LAMA3: variants seen among roughly 807,000 people sequenced by gnomAD.
LAMA3 encodes the protein laminin subunit alpha-3.
A neutral mutation model predicts 402.0 loss-of-function variants in LAMA3; 281 were observed. That is an observed-to-expected ratio of 0.70 (90% CI 0.63 to 0.77). The LOEUF is 0.77. Among genes scored for constraint, LAMA3 ranks in the 30% least tolerant of loss-of-function variants. The pLI is 0.00. For missense variants in LAMA3, 3,840 were observed against 4,215.5 expected (o/e 0.91, Z 2.47); for synonymous variants, 1,431 against 1,558.4 (o/e 0.92, Z 1.93).
intron 2 of LAMA3, among the ~76,000 whole-genome samples, chr18:23,736,522 A>G (rs2061477809): frequency 6.6e-6 from 1 of 152,048 alleles, no homozygotes; most frequent in South Asian, 2.1e-4. Flanking sequence ...AAGTTACATC[A>G]GATATTTCAA....
At chr18:23,936,072 C>T (rs1017760847) in intron 67 of LAMA3, among the ~76,000 whole-genome samples, 5 of 151,934 alleles carry the variant, frequency 3.3e-5, no homozygotes, top group Non-Finnish European at 7.4e-5. Context: ...CCTCTGAGAG[C>T]AGAATCAAAT....
At chr18:23,728,309 G>C (rs962825663) in intron 2 of LAMA3, among the ~76,000 whole-genome samples, 1 of 152,132 alleles carries the variant, frequency 6.6e-6, no homozygotes, top group African/African-American at 2.4e-5. Flanking sequence ...TATCCCAGGT[G>C]CTCAGGGGGT....
chr18:23,909,182 C>T lies in LAMA3; in HGVS notation c.7045C>T (p.Leu2349Phe). The T allele has an allele frequency of 1.2e-6, 2 of 1,614,020 alleles. No homozygotes were observed. Among genetic ancestry groups the T allele is most frequent in the Non-Finnish European group, 1.7e-6 (2 of 1,179,940 alleles). ...VNKLTNKLPD[L>F]WRKIESINQQ... ...TAAGTTAACCAACAAACTACCTGAT[C>T]TTTGGCGCAAGATTGAAAGTATCAA... is the stretch of plus-strand genomic sequence containing the variant. Residue 2349 changes from leucine to phenylalanine, a missense_variant, in exon 55 of 75, where the codon CTT (leucine) becomes TTT (phenylalanine). Coordinates refer to ENST00000313654, the MANE Select transcript of LAMA3 (RefSeq NM_198129.4).
chr18:23,949,127 C>T (rs533459693), intron 70 of LAMA3, among the ~76,000 whole-genome samples: 4 of 152,156 alleles, frequency 2.6e-5, no homozygotes, highest in African/African-American at 9.7e-5. Context: ...CTGTTCCAGC[C>T]GGCTCTAGGC....
At position 23,946,211 on chromosome 18, in the gene LAMA3, G is replaced by A. The variant is rs1208385490; in HGVS notation, c.9278G>A (p.Ser3093Asn). ...GATGGACTGAGGGCCCGGGAGGGAA[G>A]TTTGCCTGGAAACTCCACCATCAGC... ...VVDGLRAREG[S>N]LPGNSTISIR... Residue 3093 changes from serine (S) to asparagine (N), a missense_variant, in exon 70 of 75, where the codon AGT becomes AAT. By Grantham distance (46) the Ser-to-Asn change is conservative (BLOSUM62 1). This residue lies in a region of LAMA3 where 840 missense variants were observed against 981.9 expected (regional missense o/e 0.86). Transcript: ENST00000313654. 1.9e-6 allele frequency: 3 copies of A among 1,613,988 alleles called. No homozygotes were observed. Among genetic ancestry groups the A allele is most frequent in the African/African-American group, 2.7e-5 (2 of 74,900 alleles).
In LAMA3 at chr18:23,901,109, T is replaced by C; in HGVS notation, c.6005-18T>C. ...ATGCTCATCTGTCAAATAGAAAACATGAGGTGATGTATTACAGTGCTGAAC... is the reference window on the plus strand; with the variant it reads ...ATGCTCATCTGTCAAATAGAAAACACGAGGTGATGTATTACAGTGCTGAAC... On this transcript the variant is annotated intron_variant, in intron 47 of 74. Coordinates refer to ENST00000313654, the MANE Select transcript of LAMA3 (RefSeq NM_198129.4). The C allele has an allele frequency of 6.2e-7, 1 of 1,607,606 alleles. No homozygotes were observed. Among genetic ancestry groups the C allele is most frequent in the South Asian group, 1.1e-5 (1 of 90,918 alleles).
chr18:23,822,169 T>C, intron 19 of LAMA3, 83 bp from the exon 20 acceptor site: 1 of 1,498,838 alleles, frequency 6.7e-7, no homozygotes, highest in East Asian at 2.3e-5. Context: ...GTAGTGACAC[T>C]TGAATAGAAT....
intron 55 of LAMA3, 88 bp from the exon 56 acceptor site, chr18:23,912,623 C>A: frequency 1.9e-6 from 2 of 1,063,210 alleles, no homozygotes; most frequent in African/African-American, 1.6e-5. Flanking sequence ...AAGGCTGATA[C>A]ATGGCTACGA....
At chr18:23,695,923 G>A (rs1431758750) in intron 1 of LAMA3, among the ~76,000 whole-genome samples, 2 of 151,246 alleles carry the variant, frequency 1.3e-5, no homozygotes, top group Non-Finnish European at 2.9e-5. Flanking sequence ...GGTGGCCCGA[G>A]TTTGGGGGTG....
intron 25 of LAMA3, among the ~76,000 whole-genome samples, chr18:23,838,343 T>G (rs1206276405): frequency 1.3e-5 from 2 of 152,170 alleles, no homozygotes; most frequent in African/African-American, 4.8e-5. Flanking sequence ...CATTCTTTAT[T>G]AAGAAGGGTT....
At chr18:23,823,346 C>T (rs1335948189) in intron 20 of LAMA3, among the ~76,000 whole-genome samples, 1 of 152,212 alleles carries the variant, frequency 6.6e-6, no homozygotes. Flanking sequence ...ATTCCAAACT[C>T]TTAACAGGCC....
intron 31 of LAMA3, among the ~76,000 whole-genome samples, chr18:23,847,191 T>C (rs2063835669): frequency 6.6e-6 from 1 of 152,148 alleles, no homozygotes; most frequent in South Asian, 2.1e-4. Flanking sequence ...CCTTCAATGG[T>C]CCAGAGGCCC....
At chr18:23,946,338 G>A (rs1054439002) in intron 70 of LAMA3, 54 bp downstream of exon 70, 1 of 1,548,698 alleles carries the variant, frequency 6.5e-7, no homozygotes. Flanking sequence ...TATATTATAG[G>A]CATAATTGTA....
At chr18:23,951,889 G>T (rs1400490099) in intron 73 of LAMA3, 112 bp downstream of exon 73, 2 of 810,408 alleles carry the variant, frequency 2.5e-6, no homozygotes, top group African/African-American at 3.4e-5. Flanking sequence ...CCTGACCAGG[G>T]CCAGCCCCCG....
At chr18:23,888,532 C>T (rs2080518225) in intron 41 of LAMA3, among the ~76,000 whole-genome samples, 1 of 152,116 alleles carries the variant, frequency 6.6e-6, no homozygotes, top group African/African-American at 2.4e-5. Context: ...CTTATATTTT[C>T]ATGGGGGCTG....
chr18:23,773,622 G>C lies in LAMA3; in HGVS notation c.1273+35G>C, dbSNP rs2062250255. On this transcript the variant is annotated intron_variant, in intron 9 of 74. Transcript: ENST00000313654. ...ATTTCAAGTTGGTGTATCTTAGCCT[G>C]TGTGTACTGCCTCAGCGAAGTCATC... The C allele has an allele frequency of 2.2e-6, 3 of 1,355,156 alleles. No homozygotes were observed. In the South Asian group the frequency reaches 3.7e-5, roughly 17 times the overall value. 83.9% of individuals were successfully genotyped at this position (1,355,156 alleles called of 1,614,324 possible).
intron 70 of LAMA3, chr18:23,946,565 G>A (rs2082721465): frequency 7.0e-6 from 3 of 429,620 alleles, no homozygotes; most frequent in Admixed American, 3.7e-5. Context: ...CTCCTCCAGG[G>A]AATGCAAAAA....
At chr18:23,862,986 T>G (rs1324561652) in intron 35 of LAMA3, among the ~76,000 whole-genome samples, 65 of 93,122 alleles carry the variant, frequency 7.0e-4, no homozygotes, top group African/African-American at 9.9e-4. Context: ...TTATGGGGGG[T>G]GGGTAACAGG....
At chr18:23,897,700 A>G (rs776409168) in intron 44 of LAMA3, among the ~76,000 whole-genome samples, 1 of 152,182 alleles carries the variant, frequency 6.6e-6, no homozygotes. Flanking sequence ...CAATCTATAT[A>G]ATGACTTGCC....
Sources: gnomAD v4.1 joint callset for allele counts (sites outside exome capture counted in the v4.1 genomes callset) on GRCh38, gnomAD v4.1.1 for gene constraint, gnomAD v4.1.1 regional missense constraint, MANE v1.5 for transcripts, NCBI Gene and HGNC (gene_info 2026-07-23, HGNC 2026-07-21) for gene names.